Variants in MGAT4C observed in about 807,000 individuals in gnomAD.
The protein encoded by MGAT4C is MGAT4 family member C.
In MGAT4C, 19 loss-of-function variants were observed where a neutral mutation model predicts 40.1. The observed-to-expected ratio is 0.47, with a 90% CI of 0.33 to 0.70. The LOEUF (loss-of-function observed/expected upper bound fraction) is 0.70. Among genes scored for constraint, MGAT4C ranks in the 30% least tolerant of loss-of-function variants. MGAT4C has a pLI of 0.02. For synonymous variants in MGAT4C, 181 were observed against 187.1 expected, an observed-to-expected ratio of 0.97 and a Z score of 0.27; for missense variants, 491 against 563.2, an observed-to-expected ratio of 0.87 and a Z score of 1.30.
rs34157468 is a variant in MGAT4C at position 86,446,658 on chromosome 12, C to CATATATATATATATATATATAT, written c.-228-11415_-228-11394dup. Among the ~76,000 whole-genome samples the CATATATATATATATATATATAT allele has an allele frequency of 2.5e-4, 9 of 35,320 alleles. 1 individual carries two copies. Among genetic ancestry groups the CATATATATATATATATATATAT allele is most frequent in the Non-Finnish European group, 3.4e-4 (6 of 17,900 alleles). 23.2% of individuals were successfully genotyped at this position (35,320 alleles called of 152,430 possible). On this transcript the variant is annotated intron_variant, in intron 2 of 7. Transcript: ENST00000548651. ...GGACTTAAAATTACATCATGTAACT[C>CATATATATATATATATATATAT]ATATATATATATATATATATATATA...
At chr12:86,389,887 C>T (rs953995997) in intron 3 of MGAT4C, among the ~76,000 whole-genome samples, 8 of 151,950 alleles carry the variant, frequency 5.3e-5, no homozygotes, top group Admixed American at 2.6e-4. Context: ...CATATTTCAC[C>T]GTAACAATGC....
Position 85,973,384 on chromosome 12 carries a change from T to G in MGAT4C, c.*5905A>C, listed in dbSNP as rs1167283159. 1 of 150,938 alleles carries G rather than the reference T, an allele frequency of 6.6e-6. No homozygotes were observed. Among genetic ancestry groups the G allele is most frequent in the Non-Finnish European group, 1.5e-5 (1 of 67,096 alleles). 9.3% of individuals were successfully genotyped at this position (150,938 alleles called of 1,614,324 possible). A position where few individuals can be genotyped will look rare whatever the true frequency, so the allele number is the denominator to read the frequency against. Reference sequence around the variant, plus strand: ...GCAGAATGATTTAGGTTATGCCAGCTATTGTGGTTAAAGCTGTAGTAACTT... The same window carrying G: ...GCAGAATGATTTAGGTTATGCCAGCGATTGTGGTTAAAGCTGTAGTAACTT... On this transcript the variant is annotated 3_prime_UTR_variant, in exon 5 of 5. Transcript: ENST00000611864.
intron 2 of MGAT4C, among the ~76,000 whole-genome samples, chr12:86,650,664 T>C (rs1412919250): frequency 6.6e-6 from 1 of 151,912 alleles, no homozygotes; most frequent in Non-Finnish European, 1.5e-5. Context: ...TCTGTGATTC[T>C]TGTAGAGATT....
At chr12:86,629,164 T>C (rs1218998819) in intron 2 of MGAT4C, among the ~76,000 whole-genome samples, 4 of 151,980 alleles carry the variant, frequency 2.6e-5, no homozygotes, top group African/African-American at 7.3e-5. Context: ...AAGAAGGGCA[T>C]TACATAATGG....
At chr12:86,506,809 G>A (rs1056919076) in intron 2 of MGAT4C, among the ~76,000 whole-genome samples, 10 of 152,200 alleles carry the variant, frequency 6.6e-5, no homozygotes, top group East Asian at 3.9e-4. Flanking sequence ...CAACTTTAGC[G>A]TTCAAAGATG....
At chr12:86,768,397 G>T (rs960683605) in intron 1 of MGAT4C, among the ~76,000 whole-genome samples, 11 of 152,078 alleles carry the variant, frequency 7.2e-5, no homozygotes, top group Non-Finnish European at 1.0e-4. Context: ...AACATTCCAT[G>T]CTCATGGGTA....
At chr12:86,023,287 T>C (rs974557637) in intron 2 of MGAT4C, among the ~76,000 whole-genome samples, 1 of 152,068 alleles carries the variant, frequency 6.6e-6, no homozygotes, top group Non-Finnish European at 1.5e-5. Context: ...TGTAAGGTCT[T>C]CAGAAATAAA....
At chr12:86,094,013 T>C (rs1248141112) in intron 1 of MGAT4C, among the ~76,000 whole-genome samples, 1 of 152,202 alleles carries the variant, frequency 6.6e-6, no homozygotes, top group Non-Finnish European at 1.5e-5. Flanking sequence ...ATTCAATGTA[T>C]TTATTTCAAA....
At position 86,363,135 on chromosome 12, in the gene MGAT4C, A is replaced by G. The variant is rs1289085490; in HGVS notation, c.-119-29008T>C. ...TAATTAATAAAACAAGTACACAGAA[A>G]ATAAGCCAGGGTATATAATATATTA... On this transcript the variant is annotated intron_variant, in intron 3 of 7. Coordinates refer to the MGAT4C transcript ENST00000548651. Among the ~76,000 whole-genome samples, 3 of 152,070 alleles carry G rather than the reference A, an allele frequency of 2.0e-5. No homozygotes were observed. In the East Asian group the frequency reaches 5.8e-4, roughly 29 times the overall value.
chr12:86,306,935 T>A (rs188890336), intron 4 of MGAT4C, among the ~76,000 whole-genome samples: 43 of 150,720 alleles, frequency 2.9e-4, no homozygotes, highest in Non-Finnish European at 4.1e-4. Context: ...GAAATTCTAT[T>A]TTTCAGTATG....
intron 1 of MGAT4C, among the ~76,000 whole-genome samples, chr12:86,186,106 A>G (rs1215056059): frequency 3.9e-5 from 6 of 152,144 alleles, no homozygotes; most frequent in Admixed American, 3.3e-4. Context: ...AGGATACAGA[A>G]AGGTCTCAAA....
chr12:86,079,902 C>A (rs745830607), intron 1 of MGAT4C, among the ~76,000 whole-genome samples: 1 of 152,024 alleles, frequency 6.6e-6, no homozygotes, highest in African/African-American at 2.4e-5. Flanking sequence ...CATTCCAGGT[C>A]GTGCTCATTG....
intron 3 of MGAT4C, among the ~76,000 whole-genome samples, chr12:86,377,768 T>C (rs1446679903): frequency 6.6e-6 from 1 of 152,148 alleles, no homozygotes; most frequent in Non-Finnish European, 1.5e-5. Flanking sequence ...ACACTCACAT[T>C]GTTGTGCAAG....
At chr12:86,318,541 G>A (rs1011806173) in intron 4 of MGAT4C, among the ~76,000 whole-genome samples, 1 of 152,034 alleles carries the variant, frequency 6.6e-6, no homozygotes, top group Non-Finnish European at 1.5e-5. Flanking sequence ...TAAAGTATAC[G>A]GCTTTTCCTT....
intron 3 of MGAT4C, among the ~76,000 whole-genome samples, chr12:86,384,263 A>T (rs1430897268): frequency 6.6e-6 from 1 of 152,230 alleles, no homozygotes; most frequent in Non-Finnish European, 1.5e-5. Context: ...CTAAAACCAT[A>T]CTTAATTTCC....
chr12:86,365,382 T>C (rs147910944), intron 3 of MGAT4C, among the ~76,000 whole-genome samples: 9 of 152,126 alleles, frequency 5.9e-5, no homozygotes, highest in Non-Finnish European at 7.3e-5. Flanking sequence ...GTTAATGCAA[T>C]CATCACAGGG....
At chr12:86,021,407 C>T (rs1889716402) in intron 2 of MGAT4C, among the ~76,000 whole-genome samples, 1 of 151,768 alleles carries the variant, frequency 6.6e-6, no homozygotes, top group Non-Finnish European at 1.5e-5. Context: ...ACTATGCAGC[C>T]ATAAAAAATG....
At chr12:86,703,445 G>T (rs1425854219) in intron 2 of MGAT4C, among the ~76,000 whole-genome samples, 1 of 152,076 alleles carries the variant, frequency 6.6e-6, no homozygotes, top group Non-Finnish European at 1.5e-5. Flanking sequence ...AGCCACTCCA[G>T]CTTTCAGCAG....
chr12:86,265,339 A>T (rs1394455642), intron 4 of MGAT4C, among the ~76,000 whole-genome samples: 1 of 152,204 alleles, frequency 6.6e-6, no homozygotes, highest in Non-Finnish European at 1.5e-5. Context: ...CTGGCGAAAC[A>T]ACACCCCAAG....
Sources: allele counts gnomAD v4.1 joint callset (sites outside exome capture counted in the v4.1 genomes callset), GRCh38; gene constraint gnomAD v4.1.1; transcripts MANE v1.5; gene names NCBI Gene and HGNC (gene_info 2026-07-23, HGNC 2026-07-21).